FRMD5: variants seen among roughly 807,000 people sequenced by gnomAD.
FRMD5 encodes FERM domain-containing protein 5.
Under a neutral mutation model 69.0 loss-of-function variants are expected in FRMD5, and 20 were observed. The ratio of observed to expected loss-of-function variants is 0.29; its 90% CI spans 0.20 to 0.42. FRMD5 has a LOEUF of 0.42. Among genes scored for constraint, FRMD5 ranks in the 10% least tolerant of loss-of-function variants. The pLI is 1.00. For synonymous variants in FRMD5, 271 were observed against 260.1 expected, an observed-to-expected ratio of 1.04 and a Z score of -0.40; for missense variants, 595 against 708.6, an observed-to-expected ratio of 0.84 and a Z score of 1.82.
At chr15:43,945,330 C>T (rs2089928405) in intron 1 of FRMD5, among the ~76,000 whole-genome samples, 1 of 152,066 alleles carries the variant, frequency 6.6e-6, no homozygotes, top group Non-Finnish European at 1.5e-5. Flanking sequence ...GAAGTAAAGA[C>T]TCCCTTCATT....
chr15:44,051,381 G>A (rs1396663569), intron 1 of FRMD5, among the ~76,000 whole-genome samples: 1 of 145,650 alleles, frequency 6.9e-6, no homozygotes, highest in South Asian at 2.2e-4. Flanking sequence ...GGCCAACATG[G>A]TAAAACCCCG....
chr15:43,961,975 T>C (rs574003138), intron 1 of FRMD5, among the ~76,000 whole-genome samples: 87 of 152,280 alleles, frequency 5.7e-4, no homozygotes, highest in African/African-American at 2.1e-3. Flanking sequence ...ACTGGAAGCA[T>C]TCCCTTTGAA....
chr15:43,877,812 A>T (rs914157787), intron 13 of FRMD5, among the ~76,000 whole-genome samples: 3 of 152,174 alleles, frequency 2.0e-5, no homozygotes, highest in Admixed American at 6.5e-5. Flanking sequence ...GGTTATCTGA[A>T]GTCATGTGGT....
intron 1 of FRMD5, among the ~76,000 whole-genome samples, chr15:44,171,138 G>T (rs915191187): frequency 2.0e-5 from 3 of 152,058 alleles, no homozygotes; most frequent in African/African-American, 7.2e-5. Context: ...TTAAGTAAAA[G>T]AACCTACTTT....
intron 1 of FRMD5, among the ~76,000 whole-genome samples, chr15:44,079,248 C>A (rs565264801): frequency 6.6e-5 from 10 of 150,586 alleles, no homozygotes; most frequent in African/African-American, 1.5e-4. Flanking sequence ...TGACTATTAT[C>A]AAAAAAAAAC....
chr15:44,168,110 A>G (rs2077740351), intron 1 of FRMD5, among the ~76,000 whole-genome samples: 1 of 152,230 alleles, frequency 6.6e-6, no homozygotes, highest in Non-Finnish European at 1.5e-5. Flanking sequence ...GGAATAATTT[A>G]CTTAACTGTT....
At chr15:43,876,103 G>A in intron 13 of FRMD5, 1 of 1,420,482 alleles carries the variant, frequency 7.0e-7, no homozygotes, top group Non-Finnish European at 1.0e-6. Context: ...ATTTTGCCAT[G>A]TTTTTCCCAT....
intron 1 of FRMD5, among the ~76,000 whole-genome samples, chr15:44,113,458 T>C (rs943165450): frequency 1.3e-5 from 2 of 152,230 alleles, no homozygotes; most frequent in African/African-American, 2.4e-5. Flanking sequence ...TTGATATCTC[T>C]CATGAGGTAC....
intron 1 of FRMD5, among the ~76,000 whole-genome samples, chr15:44,002,614 T>C (rs1890261529): frequency 6.6e-6 from 1 of 152,024 alleles, no homozygotes; most frequent in South Asian, 2.1e-4. Context: ...AGGGGGTATG[T>C]GACTGGGGGC....
At chr15:43,983,128 A>C (rs2090573546) in intron 1 of FRMD5, among the ~76,000 whole-genome samples, 1 of 152,062 alleles carries the variant, frequency 6.6e-6, no homozygotes, top group Non-Finnish European at 1.5e-5. Flanking sequence ...ATAGGGTTTC[A>C]CTGTGTTGGT....
In FRMD5 at chr15:43,909,924, T is replaced by C; in HGVS notation, c.385A>G (p.Lys129Glu). The C allele has an allele frequency of 6.2e-7, 1 of 1,613,414 alleles. No individual in the cohort carries two copies. Among genetic ancestry groups the C allele is most frequent in the Non-Finnish European group, 8.5e-7 (1 of 1,179,512 alleles). The change falls in exon 5 of 14, where the codon AAA becomes GAA. Residue 129 changes from lysine (K) to glutamate (E), a missense_variant. Around this residue, in one of 5 missense-constraint regions of FRMD5, gnomAD observed 79 missense variants for 139.9 expected, o/e 0.56. Transcript: ENST00000417257. ...GCTAACAAGGCAGCATCCGATGTTT[T>C]ACAGAGGAGTCGGCCATGGTAGAGA... ...RDLYHGRLLCKTSDAALLAAY... is the reference protein window; with the variant it reads ...RDLYHGRLLCETSDAALLAAY...
intron 1 of FRMD5, among the ~76,000 whole-genome samples, chr15:43,979,905 T>A (rs1036348558): frequency 6.6e-6 from 1 of 152,178 alleles, no homozygotes; most frequent in African/African-American, 2.4e-5. Flanking sequence ...CGGGCGATGC[T>A]GTGAAAATAA....
At chr15:43,941,848 C>T (rs538265572) in intron 1 of FRMD5, among the ~76,000 whole-genome samples, 1 of 152,232 alleles carries the variant, frequency 6.6e-6, no homozygotes, top group South Asian at 2.1e-4. Context: ...TGGGTCAATT[C>T]CAGACATGAA....
At chr15:43,954,074 C>A (rs2090077449) in intron 1 of FRMD5, among the ~76,000 whole-genome samples, 1 of 152,196 alleles carries the variant, frequency 6.6e-6, no homozygotes, top group South Asian at 2.1e-4. Flanking sequence ...CAGAGCTGAG[C>A]TGCACGTGAG....
chr15:43,906,759 G>A (rs1353663683), intron 5 of FRMD5, among the ~76,000 whole-genome samples: 5 of 136,016 alleles, frequency 3.7e-5, no homozygotes, highest in African/African-American at 1.5e-4. Flanking sequence ...CTGCCACCTC[G>A]CCCGGCTGAT....
intron 13 of FRMD5, among the ~76,000 whole-genome samples, chr15:43,875,204 G>A (rs2088296986): frequency 6.6e-6 from 1 of 151,846 alleles, no homozygotes; most frequent in Admixed American, 6.6e-5. Flanking sequence ...CTCGGGGCGA[G>A]GAGGAAGCCA....
At chr15:43,901,237 G>C (rs1185948741) in intron 7 of FRMD5, among the ~76,000 whole-genome samples, 6 of 152,140 alleles carry the variant, frequency 3.9e-5, no homozygotes, top group African/African-American at 1.4e-4. Context: ...CCTTATCTCA[G>C]ATCTCCAGCC....
intron 1 of FRMD5, among the ~76,000 whole-genome samples, chr15:43,976,508 T>C (rs2090464573): frequency 6.6e-6 from 1 of 152,166 alleles, no homozygotes; most frequent in Admixed American, 6.5e-5. Context: ...AAGATATATA[T>C]GGATGGTGTT....
intron 7 of FRMD5, among the ~76,000 whole-genome samples, chr15:43,900,722 A>G (rs1444905468): frequency 1.3e-5 from 2 of 150,974 alleles, no homozygotes; most frequent in Non-Finnish European, 2.9e-5. Flanking sequence ...AGTTCATGCG[A>G]TTCTCCTGCC....
Sources: gnomAD v4.1 joint callset for allele counts (sites outside exome capture counted in the v4.1 genomes callset) on GRCh38, gnomAD v4.1.1 for gene constraint, gnomAD v4.1.1 regional missense constraint, MANE v1.5 for transcripts, NCBI Gene and HGNC (gene_info 2026-07-23, HGNC 2026-07-21) for gene names.